FOXO3: variants seen among roughly 807,000 people sequenced by gnomAD.
FOXO3 encodes forkhead box O3.
A neutral mutation model predicts 41.9 loss-of-function variants in FOXO3; 4 were observed. The ratio of observed to expected loss-of-function variants is 0.10; its 90% CI spans 0.05 to 0.22. FOXO3 has a LOEUF of 0.22. Ranked by LOEUF, FOXO3 falls within the 10% of genes least tolerant of loss-of-function variation. The pLI, the probability that FOXO3 is intolerant of heterozygous loss-of-function variation, is 1.00. For synonymous variants in FOXO3, 318 were observed against 389.3 expected (o/e 0.82, Z 2.16); for missense variants, 534 against 906.8 (o/e 0.59, Z 5.28).
intron 1 of FOXO3, chr6:108,656,246 T>G: frequency 2.7e-6 from 1 of 365,488 alleles, no homozygotes; most frequent in Non-Finnish European, 3.8e-6. Context: ...AGCAGATTTC[T>G]TGTTGTCGTT....
chr6:108,615,197 C>T (rs191736681), intron 1 of FOXO3, among the ~76,000 whole-genome samples: 88 of 152,120 alleles, frequency 5.8e-4, no homozygotes, highest in Non-Finnish European at 1.1e-3. Flanking sequence ...GATCATTCCC[C>T]GCTCTTCATT....
chr6:108,659,526 T>A (rs1778784620), intron 1 of FOXO3, among the ~76,000 whole-genome samples: 1 of 152,228 alleles, frequency 6.6e-6, no homozygotes, highest in African/African-American at 2.4e-5. Flanking sequence ...AGTCTTCTTA[T>A]ATAAAATTAG....
chr6:108,594,110 G>A (rs576368771), intron 1 of FOXO3, among the ~76,000 whole-genome samples: 2 of 152,250 alleles, frequency 1.3e-5, no homozygotes, highest in African/African-American at 2.4e-5. Flanking sequence ...AGGAGAAGAT[G>A]GCAGAAAGCT....
At chr6:108,631,134 G>A (rs4946930) in intron 1 of FOXO3, among the ~76,000 whole-genome samples, 27,522 of 152,130 alleles carry the variant, frequency 0.18, 2,803 homozygotes, top group Middle Eastern at 0.27. Context: ...AAATCAACTG[G>A]TTTTCAGAAG....
At chr6:108,563,189 G>C (rs1775863394) in intron 1 of FOXO3, among the ~76,000 whole-genome samples, 1 of 152,174 alleles carries the variant, frequency 6.6e-6, no homozygotes, top group African/African-American at 2.4e-5. Flanking sequence ...TTAATGTAGA[G>C]AATGTTTTAT....
At chr6:108,619,057 A>G (rs1777596818) in intron 1 of FOXO3, among the ~76,000 whole-genome samples, 1 of 152,222 alleles carries the variant, frequency 6.6e-6, no homozygotes, top group Admixed American at 6.5e-5. Flanking sequence ...CTGTTGTCCA[A>G]TGTCTGAAAA....
chr6:108,577,506 T>C (rs992548866), intron 1 of FOXO3, among the ~76,000 whole-genome samples: 2 of 152,202 alleles, frequency 1.3e-5, no homozygotes, highest in African/African-American at 4.8e-5. Context: ...GTCACCTTAC[T>C]CCAACATCAG....
At chr6:108,636,702 A>C (rs1218705092) in intron 1 of FOXO3, among the ~76,000 whole-genome samples, 6 of 152,124 alleles carry the variant, frequency 3.9e-5, no homozygotes, top group African/African-American at 1.4e-4. Flanking sequence ...TGAGGATCAG[A>C]GAATAAGGGA....
At chr6:108,650,002 G>A (rs564803586) in intron 1 of FOXO3, among the ~76,000 whole-genome samples, 3 of 152,158 alleles carry the variant, frequency 2.0e-5, no homozygotes, top group Admixed American at 6.5e-5. Context: ...GTACCTGATC[G>A]TATTATGAGC....
chr6:108,635,361 G>A (rs1381894074), intron 1 of FOXO3, among the ~76,000 whole-genome samples: 1 of 152,090 alleles, frequency 6.6e-6, no homozygotes, highest in Non-Finnish European at 1.5e-5. Flanking sequence ...TCTGAGAAAG[G>A]TAGAAAAGAG....
intron 1 of FOXO3, among the ~76,000 whole-genome samples, chr6:108,568,015 T>C (rs1320670200): frequency 6.6e-6 from 1 of 150,526 alleles, no homozygotes; most frequent in South Asian, 2.1e-4. Flanking sequence ...GCCGTTGCAC[T>C]CCAGCCTGGG....
intron 1 of FOXO3, among the ~76,000 whole-genome samples, chr6:108,652,051 G>A (rs1457309144): frequency 6.6e-6 from 1 of 152,192 alleles, no homozygotes; most frequent in Non-Finnish European, 1.5e-5. Flanking sequence ...TCTGGCTTGA[G>A]GATCCGTAAC....
chr6:108,572,009 C>T (rs1776116561), intron 1 of FOXO3, among the ~76,000 whole-genome samples: 1 of 152,030 alleles, frequency 6.6e-6, no homozygotes, highest in Non-Finnish European at 1.5e-5. Flanking sequence ...CCTTGATTTC[C>T]CAGTTAGAGC....
intron 1 of FOXO3, among the ~76,000 whole-genome samples, chr6:108,652,454 T>C (rs936411250): frequency 6.6e-6 from 1 of 152,228 alleles, no homozygotes; most frequent in East Asian, 1.9e-4. Context: ...ACACAGATTT[T>C]GTAGTCTTTA....
intron 1 of FOXO3, among the ~76,000 whole-genome samples, chr6:108,632,460 A>G (rs1179692181): frequency 6.6e-6 from 1 of 152,206 alleles, no homozygotes; most frequent in African/African-American, 2.4e-5. Context: ...AACTAGTTTT[A>G]TCTCACATAA....
At chr6:108,655,816 G>A (rs1357690296) in intron 1 of FOXO3, among the ~76,000 whole-genome samples, 1 of 152,162 alleles carries the variant, frequency 6.6e-6, no homozygotes, top group African/African-American at 2.4e-5. Context: ...GTTCCATTGG[G>A]CTGTTCAAAA....
intron 1 of FOXO3, among the ~76,000 whole-genome samples, chr6:108,592,745 T>C (rs1055615036): frequency 6.6e-6 from 1 of 152,190 alleles, no homozygotes; most frequent in Non-Finnish European, 1.5e-5. Flanking sequence ...TCATGAATTT[T>C]GCTTCTGGCA....
chr6:108,601,813 T>G (rs1267742035), intron 1 of FOXO3, among the ~76,000 whole-genome samples: 1 of 152,264 alleles, frequency 6.6e-6, no homozygotes, highest in Non-Finnish European at 1.5e-5. Context: ...GTTACACATC[T>G]CAGTAGTGTG....
rs1159028928 is a variant in FOXO3, at chr6:108,585,022, C to CTTTTTTTTTTT, written c.621+23213_621+23223dup. Among the ~76,000 whole-genome samples, 96 of 51,530 alleles carry CTTTTTTTTTTT rather than the reference C, an allele frequency of 1.9e-3. 24 individuals carry two copies. Among genetic ancestry groups the CTTTTTTTTTTT allele is most frequent in the Non-Finnish European group, 2.3e-3 (71 of 30,582 alleles). The allele number at this position is 51,530 out of a possible 152,430, so 33.8% of individuals were successfully genotyped here. On this transcript the variant is annotated intron_variant, in intron 1 of 2. Coordinates refer to ENST00000406360, the MANE Select transcript of FOXO3 (RefSeq NM_001455.4). Reference sequence around the variant, plus strand: ...CACCAAGAATTGCTATCTCCAAAATCTTTTTTTTTTTTTTTTTTTTTTTTT... The same window carrying CTTTTTTTTTTT: ...CACCAAGAATTGCTATCTCCAAAATCTTTTTTTTTTTTTTTTTTTTTTTTTTTTTTTTTTTT...
Sources: gnomAD v4.1 joint callset for allele counts (sites outside exome capture counted in the v4.1 genomes callset) on GRCh38, gnomAD v4.1.1 for gene constraint, MANE v1.5 for transcripts, NCBI Gene and HGNC (gene_info 2026-07-23, HGNC 2026-07-21) for gene names.